ZNF503: variants seen among roughly 807,000 people sequenced by gnomAD.
ZNF503 encodes the protein NocA-like zinc finger 2.
In ZNF503, 15 loss-of-function variants were observed where a neutral mutation model predicts 34.4. That is an observed-to-expected ratio of 0.44 (90% CI 0.29 to 0.67). The LOEUF (loss-of-function observed/expected upper bound fraction) is 0.67. Among genes scored for constraint, ZNF503 ranks in the 30% least tolerant of loss-of-function variants. The pLI, the probability that ZNF503 is intolerant of heterozygous loss-of-function variation, is 0.13. For missense variants in ZNF503, 1,007 were observed against 926.8 expected (o/e 1.09, Z -1.12); for synonymous variants, 580 against 456.8 (o/e 1.27, Z -3.44).
the ZNF503 span, among the ~76,000 whole-genome samples, chr10:75,325,025 A>C: frequency 6.6e-6 from 1 of 152,184 alleles, no homozygotes; most frequent in Non-Finnish European, 1.5e-5. Flanking sequence ...GGTTGTTTCC[A>C]CTTTTTGGCT....
the ZNF503 span, among the ~76,000 whole-genome samples, chr10:75,308,788 T>C: frequency 6.6e-6 from 1 of 152,230 alleles, no homozygotes; most frequent in Non-Finnish European, 1.5e-5. Context: ...TATGACTGAA[T>C]TGCTGCAATC....
downstream of ZNF503, among the ~76,000 whole-genome samples, chr10:75,396,006 G>T (rs923898613): frequency 1.4e-4 from 21 of 152,208 alleles, no homozygotes; most frequent in African/African-American, 4.6e-4. The surrounding 1 kb of genome is among the most constrained non-coding windows in gnomAD (Gnocchi z 4.4). Context: ...GGCACAGCCT[G>T]TGGGTCGCAG....
At chr10:75,289,807 C>T in the ZNF503 span, among the ~76,000 whole-genome samples, 1 of 152,162 alleles carries the variant, frequency 6.6e-6, no homozygotes, top group Admixed American at 6.5e-5. Context: ...CTCAGGTGAT[C>T]TGCCCGCCTT....
chr10:75,394,149 G>A (rs528280535), downstream of ZNF503, among the ~76,000 whole-genome samples: 77 of 152,346 alleles, frequency 5.1e-4, no homozygotes, highest in Admixed American at 1.2e-3. Flanking sequence ...GAAAAACGAG[G>A]TGAAGATTCT....
chr10:75,298,244 T>A, the ZNF503 span, among the ~76,000 whole-genome samples: 1 of 152,248 alleles, frequency 6.6e-6, no homozygotes, highest in Admixed American at 6.5e-5. Flanking sequence ...AAGGTAAAAT[T>A]ATGTGTTTCT....
chr10:75,377,745 A>G, the ZNF503 span, among the ~76,000 whole-genome samples: 778 of 152,322 alleles, frequency 5.1e-3, 12 homozygotes, highest in African/African-American at 0.017. Context: ...CCATTGTGCA[A>G]TGCGAGGTCT....
the ZNF503 span, among the ~76,000 whole-genome samples, chr10:75,389,124 G>C: frequency 2.0e-5 from 3 of 152,220 alleles, no homozygotes; most frequent in African/African-American, 7.2e-5. Context: ...GAGGAGAGGA[G>C]ATGTTTGTAA....
chr10:75,318,873 TCCTC>T, the ZNF503 span, among the ~76,000 whole-genome samples: 1,860 of 151,674 alleles, frequency 0.012, 39 homozygotes, highest in African/African-American at 0.042. Flanking sequence ...CTTCCTTCCT[TCCTC>T]CCTTTCTTCC....
At chr10:75,393,969 C>T (rs1843670645), downstream of ZNF503, among the ~76,000 whole-genome samples, 1 of 152,180 alleles carries the variant, frequency 6.6e-6, no homozygotes, top group African/African-American at 2.4e-5. Flanking sequence ...CTACGTTCAC[C>T]ACACCCTCCT....
In ZNF503 at chr10:75,398,741, G is replaced by C; in HGVS notation, c.*8C>G. 7.3e-7 allele frequency: 1 copy of C among 1,370,732 alleles called. No individual in the cohort carries two copies. Among genetic ancestry groups the C allele is most frequent in the South Asian group, 1.9e-5 (1 of 51,944 alleles). The allele number at this position is 1,370,732 out of a possible 1,614,324, so 84.9% of individuals were successfully genotyped here. ...CCTCCTCTCCCTCGCTCGCCCTCCC[G>C]GCCGCCCTCACTGATACCCCAGCGC... On this transcript the variant is annotated 3_prime_UTR_variant, in exon 2 of 2. Coordinates refer to ENST00000372524, the MANE Select transcript of ZNF503 (RefSeq NM_032772.6).
chr10:75,318,086 A>G, the ZNF503 span, among the ~76,000 whole-genome samples: 2 of 152,238 alleles, frequency 1.3e-5, no homozygotes, highest in Non-Finnish European at 2.9e-5. Context: ...TACTACACAC[A>G]TAGAAAGGTA....
At chr10:75,312,958 A>G in the ZNF503 span, among the ~76,000 whole-genome samples, 1 of 152,148 alleles carries the variant, frequency 6.6e-6, no homozygotes, top group Admixed American at 6.5e-5. Flanking sequence ...GGTTTTATAA[A>G]TGGGAGTTCC....
At chr10:75,284,803 A>G in the ZNF503 span, among the ~76,000 whole-genome samples, 1 of 152,216 alleles carries the variant, frequency 6.6e-6, no homozygotes, top group East Asian at 1.9e-4. Flanking sequence ...TAAAAATACA[A>G]TTACTATTAG....
chr10:75,330,478 C>T, the ZNF503 span, among the ~76,000 whole-genome samples: 1 of 152,096 alleles, frequency 6.6e-6, no homozygotes, highest in Non-Finnish European at 1.5e-5. Context: ...GCCATTGGGT[C>T]CTGGGCCTTT....
At chr10:75,352,080 T>C in the ZNF503 span, among the ~76,000 whole-genome samples, 1 of 152,324 alleles carries the variant, frequency 6.6e-6, no homozygotes, top group Non-Finnish European at 1.5e-5. Context: ...GAAATGCCTA[T>C]GGGTGCTCCA....
At chr10:75,367,751 C>A in the ZNF503 span, among the ~76,000 whole-genome samples, 1 of 152,188 alleles carries the variant, frequency 6.6e-6, no homozygotes, top group Non-Finnish European at 1.5e-5. Flanking sequence ...CTCCTTTGTT[C>A]AAACTGGGTC....
chr10:75,323,600 T>C, the ZNF503 span, among the ~76,000 whole-genome samples: 2 of 152,206 alleles, frequency 1.3e-5, no homozygotes, highest in East Asian at 3.8e-4. Context: ...TGGTTTTAAT[T>C]TGCATGTCCC....
At chr10:75,354,306 C>T in the ZNF503 span, among the ~76,000 whole-genome samples, 1 of 152,294 alleles carries the variant, frequency 6.6e-6, no homozygotes, top group African/African-American at 2.4e-5. Context: ...AGTTGGGCAA[C>T]ATTATGCCAA....
chr10:75,355,015 T>A, the ZNF503 span, among the ~76,000 whole-genome samples: 1 of 152,146 alleles, frequency 6.6e-6, no homozygotes, highest in African/African-American at 2.4e-5. Flanking sequence ...ACTTTTTTTT[T>A]TGTATTTTTA....
Sources: allele counts gnomAD v4.1 joint callset (sites outside exome capture counted in the v4.1 genomes callset), GRCh38; gene constraint gnomAD v4.1.1; non-coding constraint Gnocchi (gnomAD v3.1); transcripts MANE v1.5; gene names NCBI Gene and HGNC (gene_info 2026-07-23, HGNC 2026-07-21).